CLSTN2: variants seen among roughly 807,000 people sequenced by gnomAD.
CLSTN2 encodes the protein calsyntenin-2.
CLSTN2 carries 48 observed loss-of-function variants against 101.2 expected under a neutral mutation model. The observed-to-expected ratio is 0.47, with a 90% CI of 0.38 to 0.60. CLSTN2 has a LOEUF of 0.60. Among genes scored for constraint, CLSTN2 ranks in the 20% least tolerant of loss-of-function variants. The pLI, the probability that CLSTN2 is intolerant of heterozygous loss-of-function variation, is 0.00. For missense variants in CLSTN2, 1,160 were observed against 1,238.2 expected (o/e 0.94, Z 0.95); for synonymous variants, 481 against 463.6 (o/e 1.04, Z -0.48).
intron 1 of CLSTN2, among the ~76,000 whole-genome samples, chr3:140,006,634 C>T (rs2006964709): frequency 6.6e-6 from 1 of 152,232 alleles, no homozygotes; most frequent in African/African-American, 2.4e-5. Flanking sequence ...TTTCCTGTCT[C>T]CTGAGTTTCT....
intron 1 of CLSTN2, among the ~76,000 whole-genome samples, chr3:140,069,279 G>A (rs2008352249): frequency 6.6e-6 from 1 of 152,148 alleles, no homozygotes; most frequent in Admixed American, 6.5e-5. Context: ...TGGAGTCAGT[G>A]GCTGCCGGAA....
intron 9 of CLSTN2, among the ~76,000 whole-genome samples, chr3:140,542,719 T>C (rs1325500878): frequency 6.6e-6 from 1 of 152,190 alleles, no homozygotes. Context: ...GTCAAAAATA[T>C]AGAACATGAG....
At chr3:140,330,808 A>G (rs1475643640) in intron 2 of CLSTN2, among the ~76,000 whole-genome samples, 1 of 152,234 alleles carries the variant, frequency 6.6e-6, no homozygotes, top group Non-Finnish European at 1.5e-5. Context: ...TGGACTTGCA[A>G]GGTGAGAGCA....
At position 139,974,198 on chromosome 3, in the gene CLSTN2, G is replaced by C. The variant is rs913605420; in HGVS notation, c.109+38715G>C. ...GAAAGTGATTTTGATGTAAACATTT[G>C]TGGGAAACTGCAATGACAGGGTGAA... On this transcript the variant is annotated intron_variant, in intron 1 of 16. Transcript: ENST00000458420. 9.2e-5 allele frequency among the ~76,000 whole-genome samples: 14 copies of C among 152,166 alleles called. 1 individual carries two copies. In the East Asian group the frequency reaches 1.2e-3, roughly 13 times the overall value.
At chr3:140,526,919 A>G (rs1172161071) in intron 8 of CLSTN2, among the ~76,000 whole-genome samples, 1 of 152,160 alleles carries the variant, frequency 6.6e-6, no homozygotes, top group Non-Finnish European at 1.5e-5. Context: ...ACCTCTCACC[A>G]TATACAAAAA....
At chr3:140,142,693 C>T (rs1460295452) in intron 1 of CLSTN2, among the ~76,000 whole-genome samples, 3 of 152,186 alleles carry the variant, frequency 2.0e-5, no homozygotes, top group Non-Finnish European at 2.9e-5. Flanking sequence ...AATGACCAGT[C>T]GGTGCTGTTG....
intron 1 of CLSTN2, among the ~76,000 whole-genome samples, chr3:140,058,356 C>T (rs1438364706): frequency 6.6e-6 from 1 of 152,066 alleles, no homozygotes; most frequent in Non-Finnish European, 1.5e-5. Flanking sequence ...ACCAGGATCT[C>T]ATTAGGATTT....
At chr3:140,216,865 A>C (rs997581898) in intron 2 of CLSTN2, among the ~76,000 whole-genome samples, 1 of 152,240 alleles carries the variant, frequency 6.6e-6, no homozygotes, top group Non-Finnish European at 1.5e-5. Context: ...AGGAGGTCCC[A>C]CAGATAATCT....
intron 1 of CLSTN2, among the ~76,000 whole-genome samples, chr3:140,169,781 G>T (rs1391372835): frequency 6.6e-6 from 1 of 152,060 alleles, no homozygotes; most frequent in Non-Finnish European, 1.5e-5. Flanking sequence ...ATGAAGCTGG[G>T]TAGAACATTT....
chr3:140,494,246 C>T (rs1934406184), intron 8 of CLSTN2, among the ~76,000 whole-genome samples: 1 of 152,124 alleles, frequency 6.6e-6, no homozygotes, highest in Admixed American at 6.5e-5. Context: ...TTAACATTCC[C>T]TCTTAGTCTG....
Position 139,935,535 on chromosome 3 carries a change from T to G in CLSTN2, c.109+52T>G. ...TCCCAGGAGGGAGGCAGGGCAGGCT[T>G]GAGGGTGAAAGCGGCAAGGACCTAG... On this transcript the variant is annotated intron_variant, in intron 1 of 16. Transcript: ENST00000458420. The surrounding 1 kb of genome is among the most constrained non-coding windows in gnomAD (Gnocchi z 5.5). 2.0e-6 allele frequency: 2 copies of G among 991,214 alleles called. No homozygotes were observed. Among genetic ancestry groups the G allele is most frequent in the African/African-American group, 3.3e-5 (2 of 59,860 alleles). 61.4% of individuals were successfully genotyped at this position (991,214 alleles called of 1,614,324 possible). A position where few individuals can be genotyped will look rare whatever the true frequency, so the allele number is the denominator to read the frequency against.
At chr3:140,380,670 A>G (rs1403351280) in intron 2 of CLSTN2, among the ~76,000 whole-genome samples, 2 of 152,174 alleles carry the variant, frequency 1.3e-5, no homozygotes, top group African/African-American at 4.8e-5. Context: ...CTGGGCATCC[A>G]TGGCCAACTC....
In CLSTN2 at chr3:140,171,288, C is replaced by T. The variant is rs77172784; in HGVS notation, c.110-4663C>T. Among the ~76,000 whole-genome samples, 856 of 152,218 alleles carry T rather than the reference C, an allele frequency of 5.6e-3. 9 individuals carry two copies. The highest frequency in any genetic ancestry group is 0.02 in the African/African-American group (830 of 41,530). On this transcript the variant is annotated intron_variant, in intron 1 of 16. Coordinates refer to ENST00000458420, the MANE Select transcript of CLSTN2 (RefSeq NM_022131.3). The stretch of plus-strand genomic sequence containing the variant: ...CACCTGCAGTGGCCAGAGCTTCTCT[C>T]TGCCCTGGGCATGGTCCAATCTGTA...
intron 2 of CLSTN2, among the ~76,000 whole-genome samples, chr3:140,325,750 T>A (rs768985230): frequency 3.3e-5 from 5 of 152,198 alleles, no homozygotes; most frequent in Non-Finnish European, 7.4e-5. Flanking sequence ...TCCTCTACCT[T>A]TGCCTCTTAA....
intron 1 of CLSTN2, among the ~76,000 whole-genome samples, chr3:140,057,638 A>G (rs2008120960): frequency 6.6e-6 from 1 of 152,082 alleles, no homozygotes; most frequent in Non-Finnish European, 1.5e-5. Context: ...TTTTTTTCCT[A>G]TGTTATAGTT....
At chr3:140,543,125 T>C (rs1252792875) in intron 9 of CLSTN2, among the ~76,000 whole-genome samples, 1 of 152,138 alleles carries the variant, frequency 6.6e-6, no homozygotes, top group African/African-American at 2.4e-5. Flanking sequence ...GGGTACATAT[T>C]GTATGCCCAG....
At chr3:139,995,786 C>A (rs1304066244) in intron 1 of CLSTN2, among the ~76,000 whole-genome samples, 1 of 152,194 alleles carries the variant, frequency 6.6e-6, no homozygotes. Context: ...AGTCTCTAAT[C>A]TGCAGCTACA....
chr3:140,010,319 T>A (rs2007046724), intron 1 of CLSTN2, among the ~76,000 whole-genome samples: 1 of 152,172 alleles, frequency 6.6e-6, no homozygotes, highest in Non-Finnish European at 1.5e-5. Context: ...ATAAATAAGA[T>A]GAGAAAATAT....
chr3:140,145,420 G>A (rs1311118384), intron 1 of CLSTN2, among the ~76,000 whole-genome samples: 1 of 152,210 alleles, frequency 6.6e-6, no homozygotes, highest in African/African-American at 2.4e-5. Flanking sequence ...CGGCACACAT[G>A]GGCACTGTAG....
Sources: allele counts gnomAD v4.1 joint callset (sites outside exome capture counted in the v4.1 genomes callset), GRCh38; gene constraint gnomAD v4.1.1; non-coding constraint Gnocchi (gnomAD v3.1); transcripts MANE v1.5; gene names NCBI Gene and HGNC (gene_info 2026-07-23, HGNC 2026-07-21).